SOS1: variants seen among roughly 807,000 people sequenced by gnomAD.
SOS1 encodes son of sevenless homolog 1.
In SOS1, 25 loss-of-function variants were observed where a neutral mutation model predicts 157.6. That is an observed-to-expected ratio of 0.16 (90% CI 0.12 to 0.22). The LOEUF (loss-of-function observed/expected upper bound fraction) is 0.22, where lower values mean the gene tolerates loss of function less well. SOS1 is among the 10% of genes least tolerant of loss of function. SOS1 has a pLI of 1.00. For synonymous variants in SOS1, 528 were observed against 534.0 expected (o/e 0.99, Z 0.16); for missense variants, 1,237 against 1,599.1 (o/e 0.77, Z 3.86).
chr2:39,037,334 A>G (rs6737680), intron 6 of SOS1, among the ~76,000 whole-genome samples: 12,101 of 152,242 alleles, frequency 0.079, 1,759 homozygotes, highest in African/African-American at 0.28. Context: ...AAATGATCAT[A>G]TGCCAAATAT....
intron 1 of SOS1, among the ~76,000 whole-genome samples, chr2:39,119,638 A>G (rs987613119): frequency 3.3e-5 from 5 of 152,252 alleles, no homozygotes; most frequent in African/African-American, 1.2e-4. Flanking sequence ...TAAAACATTT[A>G]AAAGCACAGA....
At chr2:38,989,979 C>T (rs1488867417) in intron 20 of SOS1, among the ~76,000 whole-genome samples, 2 of 151,748 alleles carry the variant, frequency 1.3e-5, no homozygotes, top group Admixed American at 6.6e-5. Context: ...AAATCAAAAG[C>T]GAAAGCCCCA....
chr2:39,117,489 T>G (rs1026699162), intron 1 of SOS1, among the ~76,000 whole-genome samples: 7 of 152,178 alleles, frequency 4.6e-5, no homozygotes, highest in Admixed American at 1.3e-4. Flanking sequence ...CAGTCCGGAC[T>G]GGCTAAAGCA....
At position 38,985,587 on chromosome 2, in the gene SOS1, A is replaced by G; in HGVS notation, c.*237T>C. 2 of 494,342 alleles carry G rather than the reference A, an allele frequency of 4.0e-6. No homozygotes were observed. Among genetic ancestry groups the G allele is most frequent in the Non-Finnish European group, 7.3e-6 (2 of 272,786 alleles). The allele number at this position is 494,342 out of a possible 1,614,324, so 30.6% of individuals were successfully genotyped here. A position where few individuals can be genotyped will look rare whatever the true frequency, so the allele number is the denominator to read the frequency against. On this transcript the variant is annotated 3_prime_UTR_variant, in exon 23 of 23. Coordinates refer to ENST00000402219, the MANE Select transcript of SOS1 (RefSeq NM_005633.4). ...CAGAAAAAGTCCCTTTATGATTTTC[A>G]GGTGCAATCAGTTGTCCAATTCCTC...
chr2:39,120,451 A>G lies in SOS1; in HGVS notation c.-29T>C, dbSNP rs953951401. 3.9e-6 allele frequency: 6 copies of G among 1,553,900 alleles called. No homozygotes were observed. Among genetic ancestry groups the G allele is most frequent in the Non-Finnish European group, 5.2e-6 (6 of 1,152,280 alleles). ...GCCCCCGGGGCGCCTCTGGGCGGGG[A>G]GAGGGGCGGCGGCGGCCGGGCCAGG... is the stretch of plus-strand genomic sequence containing the variant. On this transcript the variant is annotated 5_prime_UTR_variant, in exon 1 of 23. Coordinates refer to ENST00000402219, the MANE Select transcript of SOS1 (RefSeq NM_005633.4).
chr2:39,091,469 T>C (rs944460223), intron 1 of SOS1, among the ~76,000 whole-genome samples: 2 of 152,150 alleles, frequency 1.3e-5, no homozygotes, highest in African/African-American at 4.8e-5. Flanking sequence ...TATAAGCCCC[T>C]TAACTCTTTT....
At chr2:39,042,400 T>C (rs1032459773) in intron 6 of SOS1, among the ~76,000 whole-genome samples, 2 of 151,198 alleles carry the variant, frequency 1.3e-5, no homozygotes, top group African/African-American at 4.9e-5. Flanking sequence ...ATTTTATGTA[T>C]TTATTTATTT....
rs114993042 is a variant in SOS1 at position 39,090,931 on chromosome 2, C to T, written c.88-23178G>A. 4.9e-3 allele frequency among the ~76,000 whole-genome samples: 742 copies of T among 152,084 alleles called. 4 individuals are homozygous for T. Among genetic ancestry groups the T allele is most frequent in the East Asian group, 0.01 (52 of 5,156 alleles). On this transcript the variant is annotated intron_variant, in intron 1 of 22. Transcript: ENST00000402219. ...TCACCCAAGCTGGAGTGCAGTGTTG[C>T]GATTTTGGCTCACTGCAACCTCAAC...
intron 1 of SOS1, among the ~76,000 whole-genome samples, chr2:39,110,163 T>G (rs57359008): frequency 0.049 from 7,467 of 151,898 alleles, 680 homozygotes; most frequent in African/African-American, 0.17. Context: ...AATCTGCAGA[T>G]GCTCAGTAAT....
In SOS1 at chr2:38,983,312, G is replaced by A. The variant is rs1239076061; in HGVS notation, c.*2512C>T. 3 of 152,086 alleles carry A rather than the reference G, an allele frequency of 2.0e-5. No individual in the cohort carries two copies. Among genetic ancestry groups the A allele is most frequent in the Non-Finnish European group, 4.4e-5 (3 of 68,014 alleles). The allele number at this position is 152,086 out of a possible 1,614,324, so 9.4% of individuals were successfully genotyped here. ...TGTTTCATATTGAGAAGAAGGCAAG[G>A]ATGCCATTTTCTCACCTCCACCTAA... On this transcript the variant is annotated 3_prime_UTR_variant, in exon 23 of 23. Coordinates refer to ENST00000402219, the MANE Select transcript of SOS1 (RefSeq NM_005633.4).
rs397517177 is a variant in SOS1 at position 39,054,646 on chromosome 2, A to G, written c.688T>C (p.Phe230Leu). The G allele has an allele frequency of 6.3e-7, 1 of 1,584,028 alleles. No homozygotes were observed. The highest frequency in any genetic ancestry group is 8.7e-7 in the Non-Finnish European group (1 of 1,152,982). Residue 230 changes from phenylalanine (F) to leucine (L), a missense_variant, in exon 5 of 23, where the codon TTT becomes CTT. By Grantham distance (22) the Phe-to-Leu change is conservative. Coordinates refer to ENST00000402219, the MANE Select transcript of SOS1 (RefSeq NM_005633.4). ...NLIIKVFREPFVSNSKLFSAN... is the reference protein window; with the variant it reads ...NLIIKVFREPLVSNSKLFSAN... ...GAAAACAATTTTGAATTGGAGACAA[A>G]GGGCTCTCTAAAAACTTTTATAATT...
At chr2:39,119,328 C>T (rs540160496) in intron 1 of SOS1, among the ~76,000 whole-genome samples, 488 of 152,244 alleles carry the variant, frequency 3.2e-3, no homozygotes, top group Non-Finnish European at 5.6e-3. Flanking sequence ...CACTGTAAGA[C>T]AGCAAGAGGG....
chr2:38,988,161 G>T (rs1002720620), intron 21 of SOS1, among the ~76,000 whole-genome samples: 1 of 152,116 alleles, frequency 6.6e-6, no homozygotes, highest in Non-Finnish European at 1.5e-5. Context: ...CCCTTTGCCT[G>T]TAAGCAAAAA....
intron 1 of SOS1, chr2:39,082,449 C>G (rs1672237735): frequency 6.6e-6 from 1 of 151,688 alleles, no homozygotes; most frequent in Non-Finnish European, 1.5e-5. Context: ...CAAAAAAAAC[C>G]AAAAAACTGG....
At chr2:39,119,916 C>CTAA (rs1673801460) in intron 1 of SOS1, among the ~76,000 whole-genome samples, 1 of 152,162 alleles carries the variant, frequency 6.6e-6, no homozygotes, top group Non-Finnish European at 1.5e-5. Flanking sequence ...GCAAGCCTTA[C>CTAA]GGCCAGGGCA....
At chr2:39,046,495 C>CTTTTTTTTTTTTTTTTTTTT (rs201639147) in intron 6 of SOS1, among the ~76,000 whole-genome samples, 1 of 124,382 alleles carries the variant, frequency 8.0e-6, no homozygotes, top group African/African-American at 3.3e-5. Context: ...GAGACAGTGT[C>CTTTTTTTTTTTTTTTTTTTT]TTTTTTTTTT....
chr2:38,987,426 G>T, intron 22 of SOS1, 47 bp downstream of exon 22: 2 of 945,684 alleles, frequency 2.1e-6, no homozygotes, highest in South Asian at 1.4e-5. Flanking sequence ...TTATTATAAT[G>T]AACTGTAATG....
At chr2:38,997,785 A>G (rs1572807221) in intron 17 of SOS1, among the ~76,000 whole-genome samples, 1 of 151,926 alleles carries the variant, frequency 6.6e-6, no homozygotes, top group Non-Finnish European at 1.5e-5. Flanking sequence ...AATTTTCCAT[A>G]CCCCCTCCAA....
chr2:39,023,964 C>T lies in SOS1; in HGVS notation c.1202+46G>A, dbSNP rs1388709631. On this transcript the variant is annotated intron_variant, in intron 9 of 22. Coordinates refer to ENST00000402219, the MANE Select transcript of SOS1 (RefSeq NM_005633.4). ...AACTGGGATCCCTGAATTTACACCA[C>T]AATATTCAGGGAAAAAAGGATATTT... is the stretch of plus-strand genomic sequence containing the variant. 5 of 1,411,920 alleles carry T rather than the reference C, an allele frequency of 3.5e-6. No individual in the cohort carries two copies. The African/African-American group carries it at 5.6e-5, about 16-fold the overall frequency. 87.5% of individuals were successfully genotyped at this position (1,411,920 alleles called of 1,614,324 possible). A position where few individuals can be genotyped will look rare whatever the true frequency, so the allele number is the denominator to read the frequency against.
Sources: gnomAD v4.1 joint callset for allele counts (sites outside exome capture counted in the v4.1 genomes callset) on GRCh38, gnomAD v4.1.1 for gene constraint, MANE v1.5 for transcripts, NCBI Gene and HGNC (gene_info 2026-07-23, HGNC 2026-07-21) for gene names.